CTNNA2: variants seen among roughly 807,000 people sequenced by gnomAD.
CTNNA2 encodes catenin alpha 2.
CTNNA2 carries 42 observed loss-of-function variants against 101.0 expected under a neutral mutation model. That is an observed-to-expected ratio of 0.42 (90% CI 0.32 to 0.54). The LOEUF (loss-of-function observed/expected upper bound fraction) is 0.54, where lower values mean the gene tolerates loss of function less well. Among genes scored for constraint, CTNNA2 ranks in the 20% least tolerant of loss-of-function variants. The probability of loss-of-function intolerance (pLI) is 0.14; values close to 1 mark genes in which losing one functional copy is unlikely to be tolerated. For missense variants in CTNNA2, 871 were observed against 1,223.1 expected (o/e 0.71, Z 4.29); for synonymous variants, 450 against 456.4 (o/e 0.99, Z 0.18).
intron 7 of CTNNA2, among the ~76,000 whole-genome samples, chr2:80,267,503 C>T (rs1673091119): frequency 6.6e-6 from 1 of 152,144 alleles, no homozygotes; most frequent in Admixed American, 6.5e-5. Context: ...GACTATAGTG[C>T]TGAGGCAAAC....
chr2:80,217,363 T>C (rs1419454927), intron 7 of CTNNA2, among the ~76,000 whole-genome samples: 2 of 152,126 alleles, frequency 1.3e-5, no homozygotes, highest in Non-Finnish European at 2.9e-5. Flanking sequence ...CAAGGACACC[T>C]TAGTGTGAGT....
rs70940048 is a variant in CTNNA2 at position 79,835,666 on chromosome 2, G to GTTTTTTTTT, written c.299-22318_299-22310dup. Among the ~76,000 whole-genome samples, 26 of 58,630 alleles carry GTTTTTTTTT rather than the reference G, an allele frequency of 4.4e-4. 7 individuals carry two copies. Among genetic ancestry groups the GTTTTTTTTT allele is most frequent in the African/African-American group, 1.3e-3 (18 of 13,690 alleles). The allele number at this position is 58,630 out of a possible 152,430, so 38.5% of individuals were successfully genotyped here. On this transcript the variant is annotated intron_variant, in intron 3 of 18. Transcript: ENST00000402739. ...CTGTGCTGCAGAATGGCCTCTCTTT[G>GTTTTTTTTT]TTTTTTTTTTTTTTTTTTTTTTTTT... is the stretch of plus-strand genomic sequence containing the variant.
At chr2:80,400,004 G>T (rs957888667) in intron 8 of CTNNA2, among the ~76,000 whole-genome samples, 1 of 152,080 alleles carries the variant, frequency 6.6e-6, no homozygotes, top group African/African-American at 2.4e-5. Context: ...GTTTAGACTG[G>T]GATTCTTATC....
At chr2:79,753,441 T>C (rs979838493) in intron 3 of CTNNA2, among the ~76,000 whole-genome samples, 4 of 152,212 alleles carry the variant, frequency 2.6e-5, no homozygotes, top group African/African-American at 4.8e-5. Context: ...ATAGGACTTA[T>C]AGAGAATCCT....
At chr2:79,886,112 A>G (rs192645467) in intron 6 of CTNNA2, among the ~76,000 whole-genome samples, 10 of 152,322 alleles carry the variant, frequency 6.6e-5, no homozygotes, top group Admixed American at 6.5e-4. Context: ...ACGCTTACGT[A>G]TATAGTATCC....
intron 7 of CTNNA2, among the ~76,000 whole-genome samples, chr2:80,024,178 C>T (rs945305362): frequency 7.3e-5 from 11 of 150,960 alleles, no homozygotes; most frequent in African/African-American, 2.7e-4. Context: ...CTTTCATAGA[C>T]ATATATAATT....
chr2:80,558,753 C>A (rs958461741), intron 12 of CTNNA2, among the ~76,000 whole-genome samples: 1 of 151,978 alleles, frequency 6.6e-6, no homozygotes, highest in African/African-American at 2.4e-5. Flanking sequence ...GGGAAAAATG[C>A]CAAGAGGAAA....
intron 2 of CTNNA2, among the ~76,000 whole-genome samples, chr2:79,738,599 A>G (rs1260156260): frequency 6.6e-6 from 1 of 152,246 alleles, no homozygotes; most frequent in African/African-American, 2.4e-5. Flanking sequence ...ATGAGTTTAG[A>G]GAAGGAAATG....
chr2:79,788,087 A>G (rs1674989296), intron 3 of CTNNA2, among the ~76,000 whole-genome samples: 1 of 152,202 alleles, frequency 6.6e-6, no homozygotes, highest in East Asian at 1.9e-4. Context: ...AGTGCATGTC[A>G]CTACAGACAA....
At chr2:79,851,844 C>T (rs62141573) in intron 3 of CTNNA2, among the ~76,000 whole-genome samples, 9 of 144,726 alleles carry the variant, frequency 6.2e-5, no homozygotes, top group African/African-American at 1.5e-4. Context: ...CAGACTCAAG[C>T]GATACTCCTG....
At chr2:79,836,089 T>C (rs1574092591) in intron 3 of CTNNA2, among the ~76,000 whole-genome samples, 1 of 152,290 alleles carries the variant, frequency 6.6e-6, no homozygotes, top group East Asian at 1.9e-4. Flanking sequence ...CTCAGCCTTG[T>C]ATGGAAGGGA....
chr2:80,489,712 T>C (rs1230238944), intron 9 of CTNNA2, among the ~76,000 whole-genome samples: 12 of 152,204 alleles, frequency 7.9e-5, no homozygotes, highest in Non-Finnish European at 1.8e-4. Context: ...ACACCACAGT[T>C]CTTCTTCTTG....
chr2:80,465,515 G>A (rs1336400768), intron 9 of CTNNA2, among the ~76,000 whole-genome samples: 1 of 152,098 alleles, frequency 6.6e-6, no homozygotes, highest in Non-Finnish European at 1.5e-5. Flanking sequence ...GAGTATCTTG[G>A]AATGCTTGAA....
rs192936108 is a variant in CTNNA2, at chr2:80,374,295, A to G, written c.1057-18916A>G. Among the ~76,000 whole-genome samples the G allele has an allele frequency of 4.6e-5, 7 of 152,202 alleles. No individual in the cohort carries two copies. In the East Asian group the frequency reaches 1.2e-3, roughly 25 times the overall value. On this transcript the variant is annotated intron_variant, in intron 7 of 18. Transcript: ENST00000402739. ...GTACCAATGTTTAACTCTCACTTAT[A>G]AGTGAAAACATGTGGTTTTTGGTAT...
chr2:80,090,591 A>C (rs1339917459), intron 7 of CTNNA2, among the ~76,000 whole-genome samples: 2 of 152,118 alleles, frequency 1.3e-5, no homozygotes, highest in African/African-American at 4.8e-5. Flanking sequence ...ATGTGTGTTC[A>C]GTTCTTGAAC....
At chr2:79,708,561 A>G (rs924128712) in intron 2 of CTNNA2, among the ~76,000 whole-genome samples, 7 of 152,204 alleles carry the variant, frequency 4.6e-5, no homozygotes, top group African/African-American at 1.2e-4. Flanking sequence ...AAACTACGAA[A>G]TGCTTTAATC....
At chr2:79,542,192 T>C (rs957952174) in intron 1 of CTNNA2, among the ~76,000 whole-genome samples, 4 of 152,188 alleles carry the variant, frequency 2.6e-5, no homozygotes, top group Admixed American at 6.5e-5. Context: ...GTCTGGCTGC[T>C]GCAATTTCCT....
chr2:79,329,844 T>C (rs1008940345), intron 3 of CTNNA2, among the ~76,000 whole-genome samples: 1 of 152,162 alleles, frequency 6.6e-6, no homozygotes, highest in Non-Finnish European at 1.5e-5. Context: ...GCTACTTGCT[T>C]TTCTTATCTA....
intron 1 of CTNNA2, among the ~76,000 whole-genome samples, chr2:79,567,137 G>A (rs765925158): frequency 5.9e-5 from 9 of 152,166 alleles, no homozygotes; most frequent in Admixed American, 1.3e-4. Flanking sequence ...AGAAGGAAAT[G>A]TATTTGACTT....
Sources: gnomAD v4.1 joint callset for allele counts (sites outside exome capture counted in the v4.1 genomes callset) on GRCh38, gnomAD v4.1.1 for gene constraint, MANE v1.5 for transcripts, NCBI Gene and HGNC (gene_info 2026-07-23, HGNC 2026-07-21) for gene names.